MYO9B: variants seen among roughly 807,000 people sequenced by gnomAD.
MYO9B encodes myosin IXB.
Under a neutral mutation model 229.5 loss-of-function variants are expected in MYO9B, and 71 were observed. The ratio of observed to expected loss-of-function variants is 0.31; its 90% confidence interval spans 0.26 to 0.38. MYO9B has a LOEUF of 0.38. Among genes scored for constraint, MYO9B ranks in the 10% least tolerant of loss-of-function variants. The pLI is 1.00. For missense variants in MYO9B, 2,255 were observed against 2,920.5 expected, an observed-to-expected ratio of 0.77 and a Z score of 5.25; for synonymous variants, 1,185 against 1,235.8, an observed-to-expected ratio of 0.96 and a Z score of 0.86.
At chr19:17,169,624 A>G (rs562640170) in intron 11 of MYO9B, among the ~76,000 whole-genome samples, 1 of 152,156 alleles carries the variant, frequency 6.6e-6, no homozygotes, top group East Asian at 1.9e-4. Flanking sequence ...AACTGTCAGC[A>G]GAGCTGTGCT....
In MYO9B at chr19:17,102,223, G is replaced by A. The variant is rs1568662166; in HGVS notation, c.506G>A (p.Arg169His). 1 of 1,597,892 alleles carries A rather than the reference G, an allele frequency of 6.3e-7. No homozygotes were observed. Among genetic ancestry groups the A allele is most frequent in the Non-Finnish European group, 8.5e-7 (1 of 1,172,808 alleles). Residue 169 changes from arginine to histidine, a missense_variant, in exon 2 of 40, where the codon CGC becomes CAC. By Grantham distance (29) the Arg-to-His change is conservative. Coordinates refer to ENST00000682292, the MANE Select transcript of MYO9B (RefSeq NM_004145.4). Reference sequence around the variant, plus strand: ...AACCTCCTGAAGAACCTCAAGCACCGCTTCCTGCAACAAAAGATCTACACG... The same window carrying A: ...AACCTCCTGAAGAACCTCAAGCACCACTTCCTGCAACAAAAGATCTACACG... Reference protein sequence around the residue: ...EGNLLKNLKHRFLQQKIYTYA... With the variant: ...EGNLLKNLKHHFLQQKIYTYA...
rs778235180 is a variant in MYO9B, at chr19:17,211,959, C to T, written c.6123C>T (p.Ala2041=). The change falls in exon 40 of 40, where the codon GCC becomes GCT. Residue 2041 remains alanine (A), a synonymous_variant. Coordinates refer to ENST00000682292, the MANE Select transcript of MYO9B (RefSeq NM_004145.4). ...APTPSPLPTV[A]APPRRRPSSF... ...CCCCGAGCCCCCTCCCCACCGTGGC[C>T]GCCCCTCCACGACGAAGGCCGTCGT... 100 of 1,557,180 alleles carry T rather than the reference C, an allele frequency of 6.4e-5. No homozygotes were observed. Among genetic ancestry groups the T allele is most frequent in the Middle Eastern group, 1.9e-4 (1 of 5,212 alleles).
At chr19:17,083,087 G>A (rs1027037491) in intron 1 of MYO9B, among the ~76,000 whole-genome samples, 6 of 133,268 alleles carry the variant, frequency 4.5e-5, no homozygotes, top group African/African-American at 1.7e-4. Flanking sequence ...ATAAAGTGCA[G>A]AGGCATGATC....
intron 1 of MYO9B, among the ~76,000 whole-genome samples, chr19:17,081,921 G>T (rs975704375): frequency 6.6e-6 from 1 of 152,010 alleles, no homozygotes; most frequent in African/African-American, 2.4e-5. Flanking sequence ...GCGTGTGCCT[G>T]GTGGGGAAGC....
chr19:17,202,196 G>GCTGAA lies in MYO9B; in HGVS notation c.4730_4731insTGAAC (p.Thr1578GlufsTer21). The GCTGAA allele has an allele frequency of 6.2e-7, 1 of 1,613,352 alleles. No individual in the cohort carries two copies. The highest frequency in any genetic ancestry group is 8.5e-7 in the Non-Finnish European group (1 of 1,179,644). On this transcript the variant is annotated frameshift_variant, in exon 28 of 40. Transcript: ENST00000682292. LOFTEE classifies it high-confidence loss of function. ...CTACCAGATCGTCGTCAGCAACCTG[G>GCTGAA]CCACTGAGCGTGGCCAGAAGGACAC...
At position 17,193,045 on chromosome 19, in the gene MYO9B, G is replaced by C; in HGVS notation, c.3111G>C (p.Gly1037=). The C allele has an allele frequency of 6.8e-7, 1 of 1,464,442 alleles. No individual in the cohort carries two copies. The highest frequency in any genetic ancestry group is 9.0e-7 in the Non-Finnish European group (1 of 1,106,878). 90.7% of individuals were successfully genotyped at this position (1,464,442 alleles called of 1,614,324 possible). The part of the protein sequence containing the change: ...SIIRLQSLCR[G]HLQRKSFSQM... ...TCCGCCTGCAGAGCCTGTGTCGGGG[G>C]CACCTGCAGCGCAAGAGGTGAGCAG... Residue 1037 remains glycine, a synonymous_variant, in exon 21 of 40, where the codon GGG becomes GGC. Transcript: ENST00000682292. This position sits in a 1 kb window ranked among gnomAD's most constrained non-coding sequence, Gnocchi z 4.3.
At chr19:17,143,415 G>C (rs936120811) in intron 2 of MYO9B, among the ~76,000 whole-genome samples, 1 of 152,186 alleles carries the variant, frequency 6.6e-6, no homozygotes, top group Non-Finnish European at 1.5e-5. Context: ...AGCCGAGAAG[G>C]AGGGAGGCCC....
chr19:17,118,591 C>T (rs371859184), intron 2 of MYO9B, among the ~76,000 whole-genome samples: 1 of 151,996 alleles, frequency 6.6e-6, no homozygotes. Context: ...AAGTGATTCT[C>T]CTGCCTCAGC....
chr19:17,110,178 A>T (rs1211072446), intron 2 of MYO9B, among the ~76,000 whole-genome samples: 2 of 151,282 alleles, frequency 1.3e-5, no homozygotes, highest in East Asian at 3.9e-4. Context: ...GCACCCCCTG[A>T]CCCCCGCCCC....
chr19:17,077,728 A>G lies in MYO9B; in HGVS notation c.-59+1854A>G, dbSNP rs149771967. Among the ~76,000 whole-genome samples the G allele has an allele frequency of 3.3e-3, 503 of 152,138 alleles. 2 individuals carry two copies. The highest frequency in any genetic ancestry group is 0.012 in the African/African-American group (493 of 41,518). The stretch of plus-strand genomic sequence containing the variant: ...GTCTTGTCTCCAGTCCATGTCCCCC[A>G]GCTCCCGGCCTTGAACTCCTCACAG... On this transcript the variant is annotated intron_variant, in intron 1 of 39. Transcript: ENST00000682292.
intron 22 of MYO9B, among the ~76,000 whole-genome samples, chr19:17,197,155 T>C (rs2073051745): frequency 6.6e-6 from 1 of 151,924 alleles, no homozygotes; most frequent in Non-Finnish European, 1.5e-5. Flanking sequence ...CGCATGCCTC[T>C]AATCCCAGCT....
intron 6 of MYO9B, 37 bp downstream of exon 6, chr19:17,154,452 C>T (rs565959514): frequency 6.6e-7 from 1 of 1,521,228 alleles, no homozygotes; most frequent in South Asian, 1.1e-5. Context: ...TCCCCCAGAG[C>T]CTACAGGGGG....
At chr19:17,112,263 G>A (rs1045241236) in intron 2 of MYO9B, among the ~76,000 whole-genome samples, 1 of 152,184 alleles carries the variant, frequency 6.6e-6, no homozygotes, top group African/African-American at 2.4e-5. Context: ...GCTAATGGCT[G>A]GAGCCACCGA....
At chr19:17,099,845 C>T (rs1221735940) in intron 1 of MYO9B, among the ~76,000 whole-genome samples, 1 of 144,856 alleles carries the variant, frequency 6.9e-6, no homozygotes, top group Non-Finnish European at 1.5e-5. Context: ...AGGCCGGGTG[C>T]GGTAGCTCAT....
At chr19:17,170,712 T>C (rs2072715170) in intron 11 of MYO9B, among the ~76,000 whole-genome samples, 1 of 143,032 alleles carries the variant, frequency 7.0e-6, no homozygotes, top group African/African-American at 2.7e-5. Flanking sequence ...TAGTCCCAGC[T>C]ACTCAGGAGG....
In MYO9B at chr19:17,162,264, C is replaced by T. The variant is rs539911861; in HGVS notation, c.1420-86C>T. 1.2e-5 allele frequency: 13 copies of T among 1,118,058 alleles called. No homozygotes were observed. In the East Asian group the frequency reaches 2.9e-4, roughly 25 times the overall value. 69.3% of individuals were successfully genotyped at this position (1,118,058 alleles called of 1,614,324 possible). A position where few individuals can be genotyped will look rare whatever the true frequency, so the allele number is the denominator to read the frequency against. On this transcript the variant is annotated intron_variant, in intron 8 of 39. Coordinates refer to ENST00000682292, the MANE Select transcript of MYO9B (RefSeq NM_004145.4). ...AGGTTGCAGTGAGCCGAGATCATGCCACTGCACTCCAGCCTGGATGACAGA... is the reference window on the plus strand; with the variant it reads ...AGGTTGCAGTGAGCCGAGATCATGCTACTGCACTCCAGCCTGGATGACAGA...
intron 2 of MYO9B, among the ~76,000 whole-genome samples, chr19:17,112,298 C>T (rs2057854908): frequency 1.3e-5 from 2 of 152,034 alleles, no homozygotes; most frequent in Non-Finnish European, 1.5e-5. Context: ...GACCAGGAGC[C>T]GGGGTGGGAG....
At chr19:17,136,029 C>T (rs1322992607) in intron 2 of MYO9B, among the ~76,000 whole-genome samples, 1 of 150,932 alleles carries the variant, frequency 6.6e-6, no homozygotes, top group Non-Finnish European at 1.5e-5. Flanking sequence ...CCCCACCCCA[C>T]CCCTGAGGAC....
rs982216739 is a variant in MYO9B at position 17,101,007 on chromosome 19, G to A, written c.-58-653G>A. On this transcript the variant is annotated intron_variant, in intron 1 of 39. Coordinates refer to ENST00000682292, the MANE Select transcript of MYO9B (RefSeq NM_004145.4). This position sits in a 1 kb window ranked among gnomAD's most constrained non-coding sequence, Gnocchi z 4.7. ...GCTGGGGAGGTTTATTCAGAGATGA[G>A]GTCAGGAAGGATGTGGGCTGGGAAG... 2.0e-5 allele frequency among the ~76,000 whole-genome samples: 3 copies of A among 150,684 alleles called. No homozygotes were observed. The highest frequency in any genetic ancestry group is 4.4e-5 in the Non-Finnish European group (3 of 67,850).
Sources: gnomAD v4.1 joint callset for allele counts (sites outside exome capture counted in the v4.1 genomes callset) on GRCh38, gnomAD v4.1.1 for gene constraint, Gnocchi (gnomAD v3.1) non-coding constraint, MANE v1.5 for transcripts, NCBI Gene and HGNC (gene_info 2026-07-23, HGNC 2026-07-21) for gene names.